XKR9: variants seen among roughly 807,000 people sequenced by gnomAD.
XKR9 encodes XK-related protein 9.
In XKR9, 32 loss-of-function variants were observed where a neutral mutation model predicts 32.0. The observed-to-expected ratio is 1.00, with a 90% CI of 0.76 to 1.34. The LOEUF is 1.34. Among genes scored for constraint, XKR9 ranks in the 40% most tolerant of loss-of-function variants. The pLI, the probability that XKR9 is intolerant of heterozygous loss-of-function variation, is 0.00. For missense variants in XKR9, 546 were observed against 429.7 expected, an observed-to-expected ratio of 1.27 and a Z score of -2.39; for synonymous variants, 168 against 143.4, an observed-to-expected ratio of 1.17 and a Z score of -1.22.
chr8:71,023,666 G>A, the XKR9 span, among the ~76,000 whole-genome samples: 1 of 152,182 alleles, frequency 6.6e-6, no homozygotes, highest in Non-Finnish European at 1.5e-5. Context: ...TTTGAGCAAT[G>A]TGTGTGGTGT....
the XKR9 span, among the ~76,000 whole-genome samples, chr8:70,983,169 T>G: frequency 6.6e-6 from 1 of 152,178 alleles, no homozygotes; most frequent in African/African-American, 2.4e-5. Context: ...CCACAAGGAC[T>G]TCAGTGATTA....
the XKR9 span, among the ~76,000 whole-genome samples, chr8:70,798,425 AAG>A: frequency 2.8e-5 from 4 of 144,614 alleles, no homozygotes; most frequent in Admixed American, 1.4e-4. Context: ...TTGTTAATTT[AAG>A]TTTTTTATAG....
chr8:70,930,145 A>G, the XKR9 span, among the ~76,000 whole-genome samples: 1 of 152,212 alleles, frequency 6.6e-6, no homozygotes, highest in African/African-American at 2.4e-5. Context: ...CACTTAAAAA[A>G]TGTAGAAACC....
the XKR9 span, among the ~76,000 whole-genome samples, chr8:70,920,827 G>T: frequency 5.9e-5 from 9 of 152,122 alleles, no homozygotes; most frequent in African/African-American, 1.9e-4. Context: ...GTTATGAGGA[G>T]ATCCTTTTTC....
At chr8:70,917,862 C>T in the XKR9 span, among the ~76,000 whole-genome samples, 1 of 152,104 alleles carries the variant, frequency 6.6e-6, no homozygotes, top group Non-Finnish European at 1.5e-5. Flanking sequence ...TCTCTTCTTC[C>T]TATGGGAATA....
chr8:70,722,263 G>A (rs1181352374), intron 4 of XKR9, among the ~76,000 whole-genome samples: 1 of 151,998 alleles, frequency 6.6e-6, no homozygotes, highest in Non-Finnish European at 1.5e-5. Flanking sequence ...TTGCCAGTTT[G>A]TGTCTTTTAA....
the XKR9 span, among the ~76,000 whole-genome samples, chr8:70,934,464 C>A: frequency 6.6e-6 from 1 of 151,918 alleles, no homozygotes; most frequent in South Asian, 2.1e-4. Context: ...ACAATAAATA[C>A]GATGTTTTAT....
At chr8:70,905,745 C>G in the XKR9 span, among the ~76,000 whole-genome samples, 1 of 152,130 alleles carries the variant, frequency 6.6e-6, no homozygotes, top group Non-Finnish European at 1.5e-5. Flanking sequence ...TGGTTTCTCC[C>G]CATCTTTGTG....
the XKR9 span, among the ~76,000 whole-genome samples, chr8:70,945,837 A>G: frequency 7.2e-5 from 11 of 152,302 alleles, no homozygotes; most frequent in Non-Finnish European, 1.3e-4. Flanking sequence ...ACTTACTACC[A>G]TTGAAAAAGA....
the XKR9 span, among the ~76,000 whole-genome samples, chr8:70,983,503 G>A: frequency 5.9e-5 from 9 of 152,262 alleles, no homozygotes; most frequent in South Asian, 2.1e-4. Flanking sequence ...TTATCAGGCC[G>A]GGCACAGTGG....
At chr8:70,696,844 C>T (rs1805297578) in intron 3 of XKR9, among the ~76,000 whole-genome samples, 2 of 150,926 alleles carry the variant, frequency 1.3e-5, no homozygotes, top group Non-Finnish European at 3.0e-5. Flanking sequence ...TTGTTTGTAT[C>T]CTCTTTTATT....
chr8:70,727,342 T>TC (rs200888372), intron 4 of XKR9, among the ~76,000 whole-genome samples: 2 of 145,304 alleles, frequency 1.4e-5, no homozygotes, highest in Non-Finnish European at 3.1e-5. Context: ...TTTTTTTTTT[T>TC]CAGGACCTCA....
chr8:70,812,439 C>T, the XKR9 span, among the ~76,000 whole-genome samples: 2 of 152,064 alleles, frequency 1.3e-5, no homozygotes, highest in South Asian at 4.1e-4. Context: ...AAGTTCTGGC[C>T]AGGGCAATTA....
chr8:70,708,624 GAGATTATTATAT>G (rs1215614776), intron 4 of XKR9, among the ~76,000 whole-genome samples: 1 of 152,012 alleles, frequency 6.6e-6, no homozygotes, highest in Non-Finnish European at 1.5e-5. Context: ...AGGTTACAAA[GAGATTATTATAT>G]AGAAAAATAT....
chr8:70,674,113 G>A (rs550253218), intron 1 of XKR9, among the ~76,000 whole-genome samples: 2 of 152,130 alleles, frequency 1.3e-5, no homozygotes, highest in African/African-American at 2.4e-5. Flanking sequence ...AGGTTATAGT[G>A]AGCTATGATT....
chr8:70,861,972 C>T, the XKR9 span, among the ~76,000 whole-genome samples: 1 of 152,048 alleles, frequency 6.6e-6, no homozygotes, highest in Admixed American at 6.6e-5. Flanking sequence ...ATCTATTTTA[C>T]TGAAATACTG....
At chr8:71,049,398 G>T in the XKR9 span, among the ~76,000 whole-genome samples, 5 of 152,170 alleles carry the variant, frequency 3.3e-5, no homozygotes, top group Non-Finnish European at 7.4e-5. Flanking sequence ...ACTGTATGCT[G>T]ATGTATTAAA....
chr8:71,049,461 C>A, the XKR9 span, among the ~76,000 whole-genome samples: 14 of 152,300 alleles, frequency 9.2e-5, no homozygotes, highest in South Asian at 2.9e-3. Flanking sequence ...TTTTGCAGCA[C>A]CTGCCTTTGA....
intron 2 of XKR9, among the ~76,000 whole-genome samples, chr8:70,759,157 G>T (rs1807270905): frequency 6.6e-6 from 1 of 152,152 alleles, no homozygotes; most frequent in Admixed American, 6.6e-5. Flanking sequence ...ATCAAAAATG[G>T]GTTTGGTGTT....
Sources: gnomAD v4.1 joint callset for allele counts (sites outside exome capture counted in the v4.1 genomes callset) on GRCh38, gnomAD v4.1.1 for gene constraint, MANE v1.5 for transcripts, NCBI Gene and HGNC (gene_info 2026-07-23, HGNC 2026-07-21) for gene names.